Variants in ANKFN1 observed in about 807,000 individuals in gnomAD.
ANKFN1 encodes ankyrin repeat and fibronectin type-III domain-containing protein 1.
A neutral mutation model predicts 108.7 loss-of-function variants in ANKFN1; 74 were observed. The observed-to-expected ratio is 0.68, with a 90% CI of 0.56 to 0.83. The LOEUF (loss-of-function observed/expected upper bound fraction) is 0.83. ANKFN1 is among the 40% of genes least tolerant of loss of function. ANKFN1 has a pLI of 0.00. For synonymous variants in ANKFN1, 547 were observed against 516.2 expected, an observed-to-expected ratio of 1.06 and a Z score of -0.81; for missense variants, 1,505 against 1,382.3, an observed-to-expected ratio of 1.09 and a Z score of -1.41.
chr17:56,424,681 C>A (rs2048503573), intron 8 of ANKFN1, among the ~76,000 whole-genome samples: 2 of 152,146 alleles, frequency 1.3e-5, no homozygotes, highest in African/African-American at 4.8e-5. Context: ...TCTGCTTTTG[C>A]CTGACGGAGT....
chr17:56,448,710 G>T (rs578246738), intron 10 of ANKFN1, among the ~76,000 whole-genome samples: 1 of 152,288 alleles, frequency 6.6e-6, no homozygotes, highest in East Asian at 1.9e-4. Flanking sequence ...ATCCAGTTGA[G>T]ACTCGGGGTG....
chr17:56,134,611 A>G (rs961202987), intron 4 of ANKFN1, among the ~76,000 whole-genome samples: 1 of 152,218 alleles, frequency 6.6e-6, no homozygotes, highest in Non-Finnish European at 1.5e-5. Flanking sequence ...CCTATTGTTC[A>G]GGAAATTGCA....
intron 18 of ANKFN1, among the ~76,000 whole-genome samples, chr17:56,487,131 G>A (rs2050881070): frequency 6.6e-6 from 1 of 152,150 alleles, no homozygotes; most frequent in South Asian, 2.1e-4. Flanking sequence ...TCCTATTGGA[G>A]GATGTTATGA....
intron 1 of ANKFN1, among the ~76,000 whole-genome samples, chr17:56,167,614 A>G (rs1156423583): frequency 6.6e-6 from 1 of 152,038 alleles, no homozygotes; most frequent in African/African-American, 2.4e-5. Flanking sequence ...GTACTACACT[A>G]TAGTTTAGTA....
At chr17:56,252,197 G>A (rs566297263) in intron 3 of ANKFN1, 5 of 152,156 alleles carry the variant, frequency 3.3e-5, no homozygotes, top group Non-Finnish European at 7.3e-5. Flanking sequence ...CTTTCATCAT[G>A]TATTTCCACT....
chr17:56,219,880 A>G (rs1037396140), intron 2 of ANKFN1, among the ~76,000 whole-genome samples: 1 of 152,236 alleles, frequency 6.6e-6, no homozygotes, highest in African/African-American at 2.4e-5. Flanking sequence ...TAAAGGTATT[A>G]GGAGGCCCTT....
At chr17:56,426,116 C>T (rs555825272) in intron 8 of ANKFN1, among the ~76,000 whole-genome samples, 10 of 152,280 alleles carry the variant, frequency 6.6e-5, no homozygotes, top group African/African-American at 2.4e-4. Context: ...GTATATTTCC[C>T]TCCAATAAGT....
chr17:56,380,366 C>A (rs141414647), intron 8 of ANKFN1, among the ~76,000 whole-genome samples: 200 of 152,224 alleles, frequency 1.3e-3, no homozygotes, highest in Admixed American at 3.5e-3. Context: ...ATGCAGAAGA[C>A]GGGTGATTTC....
chr17:56,399,855 A>T (rs1233994321), intron 8 of ANKFN1, among the ~76,000 whole-genome samples: 13 of 144,924 alleles, frequency 9.0e-5, no homozygotes, highest in South Asian at 6.5e-4. Context: ...ATATATATAT[A>T]TATATATATA....
At chr17:56,127,021 T>C (rs1906975456) in intron 4 of ANKFN1, among the ~76,000 whole-genome samples, 10 of 152,210 alleles carry the variant, frequency 6.6e-5, no homozygotes, top group Admixed American at 6.5e-4. Flanking sequence ...TACTCAACTT[T>C]TACTACCTCT....
At chr17:56,162,597 T>C (rs1472406098) in intron 1 of ANKFN1, among the ~76,000 whole-genome samples, 2 of 152,218 alleles carry the variant, frequency 1.3e-5, no homozygotes, top group Non-Finnish European at 2.9e-5. Flanking sequence ...AATAGAATTA[T>C]ATTCTGAAGT....
intron 1 of ANKFN1, among the ~76,000 whole-genome samples, chr17:56,164,936 G>T (rs1409026685): frequency 1.3e-5 from 2 of 152,210 alleles, no homozygotes; most frequent in Non-Finnish European, 2.9e-5. Flanking sequence ...GTAGTGAAAA[G>T]TACACTGGAT....
chr17:56,162,795 A>G (rs1548811), intron 1 of ANKFN1, among the ~76,000 whole-genome samples: 109,229 of 152,112 alleles, frequency 0.72, 39,844 homozygotes, highest in East Asian at 0.94. Flanking sequence ...CAGCACTCTG[A>G]GAGACTGAGG....
intron 4 of ANKFN1, among the ~76,000 whole-genome samples, chr17:56,337,150 A>G (rs1441437734): frequency 2.0e-5 from 3 of 152,272 alleles, no homozygotes. Flanking sequence ...TATGTGGTCA[A>G]TTTTGGAATA....
chr17:56,476,012 G>GTCTTACCAT (rs2050486201), intron 15 of ANKFN1, among the ~76,000 whole-genome samples: 1 of 152,172 alleles, frequency 6.6e-6, no homozygotes, highest in Admixed American at 6.5e-5. Context: ...AAGCAAACAC[G>GTCTTACCAT]TCTTACCATG....
chr17:56,218,370 A>G (rs1041703010), intron 2 of ANKFN1, among the ~76,000 whole-genome samples: 2 of 151,896 alleles, frequency 1.3e-5, no homozygotes, highest in African/African-American at 4.8e-5. Context: ...CTTCTTCCCT[A>G]TTTTAGGAAA....
At chr17:56,354,712 C>T (rs894763019) in intron 6 of ANKFN1, among the ~76,000 whole-genome samples, 1 of 152,112 alleles carries the variant, frequency 6.6e-6, no homozygotes, top group African/African-American at 2.4e-5. Flanking sequence ...CTTCGGTAAA[C>T]ACTGTAATTT....
At position 56,512,717 on chromosome 17, in the gene ANKFN1, A is replaced by T. The variant is rs1206525473; in HGVS notation, c.*1448A>T. Among the ~76,000 whole-genome samples the T allele has an allele frequency of 1.3e-5, 2 of 152,148 alleles. No individual in the cohort carries two copies. Among genetic ancestry groups the T allele is most frequent in the African/African-American group, 4.8e-5 (2 of 41,424 alleles). On this transcript the variant is annotated 3_prime_UTR_variant, in exon 21 of 21. Transcript: ENST00000682825. ...CCACAGAGTTCTACCATTCCTCCTC[A>T]TGGGAGTTCATACAAAGTCCCCTGT... is the stretch of plus-strand genomic sequence containing the variant.
In ANKFN1 at chr17:56,372,789, G is replaced by C. The variant is rs762998121; in HGVS notation, c.745G>C (p.Glu249Gln). The stretch of plus-strand genomic sequence containing the variant: ...GAAAGAGAAGCAGCTGAAAGCTTGG[G>C]AGTGGAGGTATCGGCTCTACAGACG... ...TEKEKQLKAW[E>Q]WRYRLYRRMK... Residue 249 changes from glutamate to glutamine, a missense_variant, in exon 7 of 21, where the codon GAG becomes CAG. Glu to Gln is a conservative substitution (Grantham distance 29). Transcript: ENST00000682825. The C allele has an allele frequency of 6.2e-7, 1 of 1,614,058 alleles. No homozygotes were observed. The highest frequency in any genetic ancestry group is 1.1e-5 in the South Asian group (1 of 91,068).
Sources: allele counts gnomAD v4.1 joint callset (sites outside exome capture counted in the v4.1 genomes callset), GRCh38; gene constraint gnomAD v4.1.1; transcripts MANE v1.5; gene names NCBI Gene and HGNC (gene_info 2026-07-23, HGNC 2026-07-21).